Variants in PIKFYVE observed in about 807,000 individuals in gnomAD.
The protein encoded by PIKFYVE is 1-phosphatidylinositol 3-phosphate 5-kinase.
In PIKFYVE, 122 loss-of-function variants were observed where a neutral mutation model predicts 257.9. The ratio of observed to expected loss-of-function variants is 0.47; its 90% confidence interval spans 0.41 to 0.55. The LOEUF is 0.55. Among genes scored for constraint, PIKFYVE ranks in the 20% least tolerant of loss-of-function variants. The probability of loss-of-function intolerance (pLI) is 0.00; values close to 1 mark genes in which losing one functional copy is unlikely to be tolerated. For synonymous variants in PIKFYVE, 892 were observed against 868.9 expected, an observed-to-expected ratio of 1.03 and a Z score of -0.47; for missense variants, 2,160 against 2,536.6, an observed-to-expected ratio of 0.85 and a Z score of 3.19.
rs1229530663 is a variant in PIKFYVE at position 208,347,972 on chromosome 2, G to A, written c.5323G>A (p.Val1775Ile). ...LRGADSAYYQVGQTGKEGTEN... is the reference protein window; with the variant it reads ...LRGADSAYYQIGQTGKEGTEN... ...TGGAGCAGATAGTGCTTACTACCAG[G>A]TTGGGCAGACGGGCAAGGAGGGGAC... Residue 1775 changes from valine (V) to isoleucine (I), a missense_variant, in exon 35 of 42, where the codon GTT becomes ATT. By Grantham distance (29) the Val-to-Ile change is conservative (BLOSUM62 3). This residue lies in a region of PIKFYVE where 699 missense variants were observed against 855.8 expected (regional missense o/e 0.82). Coordinates refer to ENST00000264380, the MANE Select transcript of PIKFYVE (RefSeq NM_015040.4). 1 of 1,614,184 alleles carries A rather than the reference G, an allele frequency of 6.2e-7. No homozygotes were observed. Among genetic ancestry groups the A allele is most frequent in the Non-Finnish European group, 8.5e-7 (1 of 1,180,026 alleles).
rs549327721 is a variant in PIKFYVE, at chr2:208,335,528, C to G, written c.4256+109C>G. Reference sequence around the variant, plus strand: ...AAAATGTAAATTTTCTAATTGTATGCTATGCATGCTTGGTGTACAAAAAGA... The same window carrying G: ...AAAATGTAAATTTTCTAATTGTATGGTATGCATGCTTGGTGTACAAAAAGA... On this transcript the variant is annotated intron_variant, in intron 25 of 41. Coordinates refer to ENST00000264380, the MANE Select transcript of PIKFYVE (RefSeq NM_015040.4). 61 of 947,838 alleles carry G rather than the reference C, an allele frequency of 6.4e-5. No individual in the cohort carries two copies. The South Asian group carries it at 8.7e-4, about 14-fold the overall frequency. The allele number at this position is 947,838 out of a possible 1,614,324, so 58.7% of individuals were successfully genotyped here. A position where few individuals can be genotyped will look rare whatever the true frequency, so the allele number is the denominator to read the frequency against.
rs971131201 is a variant in PIKFYVE at position 208,357,668 on chromosome 2, A to C, written c.*2363A>C. 6.6e-6 allele frequency: 1 copy of C among 152,214 alleles called. No homozygotes were observed. Among genetic ancestry groups the C allele is most frequent in the Non-Finnish European group, 1.5e-5 (1 of 68,026 alleles). The allele number at this position is 152,214 out of a possible 1,614,324, so 9.4% of individuals were successfully genotyped here. On this transcript the variant is annotated 3_prime_UTR_variant, in exon 42 of 42. Transcript: ENST00000264380. ...TTTATTTCTATTGAGTGGTAGAACT[A>C]TATGTCTGGTCCCTTGCTGCTCTTG...
chr2:208,303,250 C>CAT (rs1269764275), intron 10 of PIKFYVE, among the ~76,000 whole-genome samples: 1 of 142,056 alleles, frequency 7.0e-6, no homozygotes, highest in South Asian at 2.3e-4. Flanking sequence ...CACACACACA[C>CAT]ATATATAAAC....
intron 38 of PIKFYVE, among the ~76,000 whole-genome samples, chr2:208,351,750 G>A (rs1470786238): frequency 1.3e-5 from 2 of 152,064 alleles, no homozygotes; most frequent in Non-Finnish European, 2.9e-5. Context: ...TGGGGGTGGG[G>A]GAAAGTGCTG....
rs1410198380 is a variant in PIKFYVE, at chr2:208,320,251, G to T, written c.2083-1G>T. 1 of 1,609,882 alleles carries T rather than the reference G, an allele frequency of 6.2e-7. No individual in the cohort carries two copies. The highest frequency in any genetic ancestry group is 8.5e-7 in the Non-Finnish European group (1 of 1,177,804). ...TTTAACAAACTGTTCATTTTTTGTA[G>T]ATGAGTTCTTGTATTAAAAACCCCA... On this transcript the variant is annotated splice_acceptor_variant, in intron 16 of 41. Coordinates refer to ENST00000264380, the MANE Select transcript of PIKFYVE (RefSeq NM_015040.4). LOFTEE classifies it high-confidence loss of function.
chr2:208,327,089 A>G (rs959058242), intron 20 of PIKFYVE, among the ~76,000 whole-genome samples: 14 of 152,164 alleles, frequency 9.2e-5, no homozygotes, highest in African/African-American at 3.4e-4. Flanking sequence ...ATGTATGTTC[A>G]ATTTCACTAG....
rs780988726 is a variant in PIKFYVE at position 208,330,607 on chromosome 2, G to A, written c.3876G>A (p.Val1292=). The change falls in exon 23 of 42, where the codon GTG becomes GTA. Residue 1292 remains valine, a synonymous_variant. Transcript: ENST00000264380. ...IRRFVHGQGC[V]QIILKELDSP... ...GCTTTGTTCATGGCCAAGGCTGTGT[G>A]CAGATAATCCTGAAGGAGTTGGATT... The A allele has an allele frequency of 3.8e-5, 61 of 1,614,032 alleles. No homozygotes were observed. The highest frequency in any genetic ancestry group is 5.1e-5 in the Non-Finnish European group (60 of 1,180,018).
intron 4 of PIKFYVE, among the ~76,000 whole-genome samples, chr2:208,277,181 T>C (rs1012724829): frequency 1.3e-5 from 2 of 152,198 alleles, no homozygotes; most frequent in African/African-American, 2.4e-5. Flanking sequence ...ACCATTGTTT[T>C]TGAAAAGACC....
chr2:208,279,108 G>A (rs1690479615), intron 5 of PIKFYVE, among the ~76,000 whole-genome samples: 1 of 152,170 alleles, frequency 6.6e-6, no homozygotes, highest in Non-Finnish European at 1.5e-5. Flanking sequence ...TGATTGGTGT[G>A]AGATGGTATC....
At chr2:208,330,065 A>G in intron 22 of PIKFYVE, 152 bp downstream of exon 22, 1 of 1,153,752 alleles carries the variant, frequency 8.7e-7, no homozygotes, top group Non-Finnish European at 1.2e-6. Context: ...AAGAAGTAAT[A>G]ATCTATTTCA....
At chr2:208,341,138 A>G (rs142671081) in intron 31 of PIKFYVE, among the ~76,000 whole-genome samples, 2 of 151,696 alleles carry the variant, frequency 1.3e-5, no homozygotes, top group African/African-American at 4.8e-5. Context: ...TTCCCAAGTA[A>G]CTGGGACTGC....
intron 5 of PIKFYVE, among the ~76,000 whole-genome samples, chr2:208,284,856 A>G (rs1272084204): frequency 6.6e-6 from 1 of 151,836 alleles, no homozygotes; most frequent in Non-Finnish European, 1.5e-5. Flanking sequence ...TTGTATAGAG[A>G]CAGGGTCTCG....
intron 31 of PIKFYVE, 60 bp from the exon 32 acceptor site, chr2:208,342,494 T>G: frequency 1.1e-5 from 14 of 1,328,714 alleles, no homozygotes; most frequent in Non-Finnish European, 1.5e-5. Context: ...TTGGCTTTCT[T>G]AATTATATTC....
chr2:208,325,893 A>G lies in PIKFYVE; in HGVS notation c.3082A>G (p.Thr1028Ala). The change falls in exon 20 of 42, where the codon ACT (threonine) becomes GCT (alanine). Residue 1028 changes from threonine to alanine, a missense_variant. Thr to Ala is a moderately conservative substitution (Grantham distance 58). Coordinates refer to ENST00000264380, the MANE Select transcript of PIKFYVE (RefSeq NM_015040.4). ...ACAGGATGACACTGGATTATATGTT[A>G]CTGAGGAAGTCACCTCCTCTGAAGA... ...PLQDDTGLYV[T>A]EEVTSSEDKR... The G allele has an allele frequency of 6.2e-7, 1 of 1,614,066 alleles. No homozygotes were observed. The highest frequency in any genetic ancestry group is 8.5e-7 in the Non-Finnish European group (1 of 1,179,944).
intron 33 of PIKFYVE, 123 bp from the exon 34 acceptor site, chr2:208,345,927 A>ATATT (rs1699181734): frequency 1.5e-6 from 1 of 685,824 alleles, no homozygotes; most frequent in Non-Finnish European, 2.6e-6. Context: ...CAGACTTTTG[A>ATATT]TATTGTAGGT....
chr2:208,350,600 AGATCAG>A (rs1222599171), intron 36 of PIKFYVE, among the ~76,000 whole-genome samples, 165 bp from the exon 37 acceptor site: 5 of 152,120 alleles, frequency 3.3e-5, no homozygotes, highest in African/African-American at 1.2e-4. Flanking sequence ...TTCCCCCTGA[AGATCAG>A]TTTAACAAAA....
intron 16 of PIKFYVE, among the ~76,000 whole-genome samples, chr2:208,319,893 A>G (rs1280178438): frequency 6.6e-6 from 1 of 151,982 alleles, no homozygotes; most frequent in Admixed American, 6.6e-5. Context: ...AAAGTTGCTT[A>G]TTTCTTGGAG....
intron 13 of PIKFYVE, 103 bp from the exon 14 acceptor site, chr2:208,314,191 A>G: frequency 3.0e-6 from 4 of 1,328,068 alleles, no homozygotes; most frequent in Non-Finnish European, 3.2e-6. Context: ...ATGTTGGCTA[A>G]CTTAAAACAT....
Position 208,321,341 on chromosome 2 carries a change from A to G in PIKFYVE, c.2190+982A>G, listed in dbSNP as rs540494965. On this transcript the variant is annotated intron_variant, in intron 17 of 41. Coordinates refer to ENST00000264380, the MANE Select transcript of PIKFYVE (RefSeq NM_015040.4). ...ATTTTTTTCAAGAGTGGTAGGAGCA[A>G]TCACTTTTGTACTGATTTCCTAGAT... Among the ~76,000 whole-genome samples, 12 of 152,284 alleles carry G rather than the reference A, an allele frequency of 7.9e-5. No homozygotes were observed. The East Asian group carries it at 1.7e-3, about 22-fold the overall frequency.
Sources: allele counts gnomAD v4.1 joint callset (sites outside exome capture counted in the v4.1 genomes callset), GRCh38; gene constraint gnomAD v4.1.1; regional missense constraint gnomAD v4.1.1; transcripts MANE v1.5; gene names NCBI Gene and HGNC (gene_info 2026-07-23, HGNC 2026-07-21).